The following BORCS5 variants were observed in gnomAD, a reference collection of about 807,000 sequenced individuals.
BORCS5 encodes the protein BLOC-1-related complex subunit 5.
In BORCS5, 17 loss-of-function variants were observed where a neutral mutation model predicts 22.1. The ratio of observed to expected loss-of-function variants is 0.77; its 90% confidence interval spans 0.53 to 1.15. BORCS5 has a LOEUF of 1.15. BORCS5 is among the 50% of genes most tolerant of loss of function. BORCS5 has a pLI of 0.00. For synonymous variants in BORCS5, 117 were observed against 99.8 expected, an observed-to-expected ratio of 1.17 and a Z score of -1.03; for missense variants, 247 against 253.2, an observed-to-expected ratio of 0.98 and a Z score of 0.17.
intron 2 of BORCS5, among the ~76,000 whole-genome samples, chr12:12,416,758 A>G (rs369030430): frequency 4.1e-5 from 6 of 144,914 alleles, no homozygotes; most frequent in African/African-American, 1.5e-4. Flanking sequence ...ACCGCACCCA[A>G]CTCTTGTTTT....
intron 2 of BORCS5, among the ~76,000 whole-genome samples, chr12:12,373,981 CTTTTTTTTTTT>C (rs926893487): frequency 2.2e-5 from 2 of 89,792 alleles, no homozygotes; most frequent in African/African-American, 9.9e-5. Context: ...AGAGAGTATT[CTTTTTTTTTTT>C]TTTTTTTTTT....
intron 2 of BORCS5, 123 bp from the exon 3 acceptor site, chr12:12,435,505 A>G (rs1555155527): frequency 3.8e-6 from 3 of 795,744 alleles, no homozygotes; most frequent in Non-Finnish European, 5.9e-6. Flanking sequence ...TCATTAACAT[A>G]TAACAAAAGA....
chr12:12,369,511 A>T (rs1337945834), intron 2 of BORCS5, among the ~76,000 whole-genome samples: 1 of 151,184 alleles, frequency 6.6e-6, no homozygotes, highest in East Asian at 1.9e-4. Context: ...CATTACAAAA[A>T]TTTTTTTTTA....
chr12:12,418,776 G>A (rs1942038379), intron 2 of BORCS5, among the ~76,000 whole-genome samples: 1 of 152,112 alleles, frequency 6.6e-6, no homozygotes, highest in South Asian at 2.1e-4. Flanking sequence ...TGAGTCTCTA[G>A]TAGACAAGCA....
intron 3 of BORCS5, among the ~76,000 whole-genome samples, chr12:12,461,179 TC>T (rs71061072): frequency 1.1e-4 from 16 of 147,636 alleles, no homozygotes; most frequent in African/African-American, 2.7e-4. Flanking sequence ...TTTTTTTTTT[TC>T]CCCCTGGGAT....
chr12:12,414,734 A>G (rs1385764626), intron 2 of BORCS5, among the ~76,000 whole-genome samples: 3 of 128,522 alleles, frequency 2.3e-5, no homozygotes, highest in Admixed American at 7.5e-5. Context: ...CCGGGCGGAG[A>G]CGCTCCTCAC....
In BORCS5 at chr12:12,361,312, G is replaced by A; in HGVS notation, c.165G>A (p.Lys55=). ...RNVSNDPDVI[K]LQEIPTFQPL... ...TCAGCAACGATCCCGATGTCATCAA[G>A]TTGCAAGAGATTCCAACCTTCCAGC... Residue 55 remains lysine (K), a synonymous_variant, in exon 2 of 4, where the codon AAG becomes AAA. Transcript: ENST00000314565. 1 of 1,614,184 alleles carries A rather than the reference G, an allele frequency of 6.2e-7. No individual in the cohort carries two copies. Among genetic ancestry groups the A allele is most frequent in the Non-Finnish European group, 8.5e-7 (1 of 1,180,040 alleles).
intron 3 of BORCS5, chr12:12,452,551 G>C (rs982486192): frequency 2.5e-5 from 9 of 356,034 alleles, no homozygotes; most frequent in Admixed American, 1.5e-4. Flanking sequence ...GCCTCGCCTC[G>C]TGATCTTGCC....
intron 2 of BORCS5, among the ~76,000 whole-genome samples, chr12:12,430,151 A>ATTTTTT (rs71061068): frequency 1.9e-5 from 2 of 107,746 alleles, no homozygotes; most frequent in Non-Finnish European, 1.8e-5. Flanking sequence ...CTTAGAGAAA[A>ATTTTTT]TTTTTTTTTT....
At chr12:12,371,440 T>A (rs1863526343) in intron 2 of BORCS5, among the ~76,000 whole-genome samples, 1 of 152,098 alleles carries the variant, frequency 6.6e-6, no homozygotes, top group African/African-American at 2.4e-5. Context: ...CTACTCTGCG[T>A]GCCACCACGC....
In BORCS5 at chr12:12,469,293, T is replaced by C. The variant is rs1238627529; in HGVS notation, c.*3517T>C. ...ATCGCTTGAACCTGGGAGGCGGAGG[T>C]TGCAGTGAGCCAAGTTCGTGCCATT... On this transcript the variant is annotated 3_prime_UTR_variant, in exon 4 of 4. Transcript: ENST00000314565. 6.6e-6 allele frequency: 1 copy of C among 152,192 alleles called. No homozygotes were observed. Among genetic ancestry groups the C allele is most frequent in the Non-Finnish European group, 1.5e-5 (1 of 68,064 alleles). The allele number at this position is 152,192 out of a possible 1,614,324, so 9.4% of individuals were successfully genotyped here.
At chr12:12,465,493 C>G (rs3751261) in intron 3 of BORCS5, 53 bp from the exon 4 acceptor site, 6 of 1,510,110 alleles carry the variant, frequency 4.0e-6, no homozygotes, top group Non-Finnish European at 9.1e-7. Flanking sequence ...CCCGGCCCTG[C>G]GGAGAGGACT....
intron 3 of BORCS5, among the ~76,000 whole-genome samples, chr12:12,438,382 G>GAAAAAAAAAAAAAAAAAAAA (rs1565915767): frequency 3.6e-4 from 39 of 106,956 alleles, no homozygotes; most frequent in African/African-American, 1.8e-3. Flanking sequence ...AAAAAAAAAC[G>GAAAAAAAAAAAAAAAAAAAA]AAAAACAACA....
chr12:12,373,667 C>T (rs1423206912), intron 2 of BORCS5, among the ~76,000 whole-genome samples: 2 of 152,152 alleles, frequency 1.3e-5, no homozygotes, highest in Non-Finnish European at 2.9e-5. Context: ...TCATTCATTT[C>T]TGCAACATAT....
At chr12:12,363,221 C>T (rs1026987160) in intron 2 of BORCS5, among the ~76,000 whole-genome samples, 2 of 151,392 alleles carry the variant, frequency 1.3e-5, no homozygotes, top group Non-Finnish European at 2.9e-5. Context: ...CGCTTGAGCC[C>T]AGGAGGTCAA....
At chr12:12,456,158 G>T (rs1429451903) in intron 3 of BORCS5, among the ~76,000 whole-genome samples, 3 of 152,202 alleles carry the variant, frequency 2.0e-5, no homozygotes, top group Non-Finnish European at 2.9e-5. Context: ...GTGAGGCCAG[G>T]TGTGGTAGAT....
chr12:12,433,167 C>G (rs933577101), intron 2 of BORCS5, among the ~76,000 whole-genome samples: 9 of 151,760 alleles, frequency 5.9e-5, no homozygotes, highest in Admixed American at 5.9e-4. Context: ...AACCCTGTCT[C>G]TACTAAAAAA....
intron 2 of BORCS5, among the ~76,000 whole-genome samples, chr12:12,412,461 G>A (rs1941760908): frequency 6.6e-6 from 1 of 152,058 alleles, no homozygotes; most frequent in African/African-American, 2.4e-5. Flanking sequence ...TTTGCATGTT[G>A]ACTTTGTATC....
intron 2 of BORCS5, among the ~76,000 whole-genome samples, chr12:12,422,429 C>A (rs999326053): frequency 5.3e-5 from 8 of 152,114 alleles, no homozygotes; most frequent in Non-Finnish European, 1.0e-4. Flanking sequence ...GCCTGACCAA[C>A]ATGGTGAAAC....
Sources: allele counts gnomAD v4.1 joint callset (sites outside exome capture counted in the v4.1 genomes callset), GRCh38; gene constraint gnomAD v4.1.1; transcripts MANE v1.5; gene names NCBI Gene and HGNC (gene_info 2026-07-23, HGNC 2026-07-21).